The following EPM2A variants were observed in gnomAD, a reference collection of about 807,000 sequenced individuals.
EPM2A encodes the protein EPM2A glucan phosphatase, laforin.
Under a neutral mutation model 26.5 loss-of-function variants are expected in EPM2A, and 21 were observed. The observed-to-expected ratio is 0.79, with a 90% CI of 0.56 to 1.14. The LOEUF is 1.14. Ranked by LOEUF, EPM2A falls within the 50% of genes most tolerant of loss-of-function variation. The pLI is 0.00. For synonymous variants in EPM2A, 217 were observed against 177.6 expected, an observed-to-expected ratio of 1.22 and a Z score of -1.76; for missense variants, 458 against 440.8, an observed-to-expected ratio of 1.04 and a Z score of -0.35.
chr6:145,703,979 A>C (rs1782076471), intron 1 of EPM2A, among the ~76,000 whole-genome samples: 1 of 152,256 alleles, frequency 6.6e-6, no homozygotes, highest in South Asian at 2.1e-4. Context: ...CCATCAGCTT[A>C]ATTTTAAAAA....
At chr6:145,676,535 A>T (rs941354318) in intron 2 of EPM2A, among the ~76,000 whole-genome samples, 1 of 152,206 alleles carries the variant, frequency 6.6e-6, no homozygotes, top group African/African-American at 2.4e-5. Flanking sequence ...TGCTAGCAAG[A>T]CAAATAAAGA....
intron 1 of EPM2A, among the ~76,000 whole-genome samples, chr6:145,695,795 A>T (rs1253885123): frequency 6.6e-6 from 1 of 152,072 alleles, no homozygotes; most frequent in East Asian, 1.9e-4. Flanking sequence ...TAAGGCAGTT[A>T]TTAAGCAATC....
At chr6:145,397,784 A>AT (rs1226531201) in intron 4 of EPM2A, among the ~76,000 whole-genome samples, 2 of 152,198 alleles carry the variant, frequency 1.3e-5, no homozygotes, top group African/African-American at 4.8e-5. Context: ...TTAGGTACAC[A>AT]TATCTCATCT....
intron 1 of EPM2A, among the ~76,000 whole-genome samples, chr6:145,708,074 C>T (rs1427493818): frequency 6.6e-6 from 1 of 152,140 alleles, no homozygotes; most frequent in Non-Finnish European, 1.5e-5. Flanking sequence ...AAGAGACTCG[C>T]ACCATTTGGG....
At chr6:145,493,362 G>T (rs73562606) in intron 4 of EPM2A, among the ~76,000 whole-genome samples, 11,986 of 152,242 alleles carry the variant, frequency 0.079, 1,409 homozygotes, top group African/African-American at 0.25. Context: ...TGCTGTAGTT[G>T]CTTATCAACT....
chr6:145,512,643 A>G (rs559493884), intron 2 of EPM2A, among the ~76,000 whole-genome samples: 10 of 142,670 alleles, frequency 7.0e-5, no homozygotes, highest in Middle Eastern at 6.8e-3. Flanking sequence ...CCCAGGAGGC[A>G]GAGGTTGCAG....
chr6:145,588,101 C>A lies in EPM2A; in HGVS notation c.340+47144G>T, dbSNP rs370720500. Reference sequence around the variant, plus strand: ...CCTCAGAGTATATGTCTCTGATGAACCAGAATGAATTACACAGATGCCTGG... The same window carrying A: ...CCTCAGAGTATATGTCTCTGATGAAACAGAATGAATTACACAGATGCCTGG... On this transcript the variant is annotated intron_variant, in intron 2 of 3. Coordinates refer to the EPM2A transcript ENST00000450221. Among the ~76,000 whole-genome samples the A allele has an allele frequency of 4.7e-4, 72 of 152,238 alleles. 1 individual carries two copies. In the South Asian group the frequency reaches 0.011, roughly 23 times the overall value.
intron 2 of EPM2A, chr6:145,671,479 G>T: frequency 1.5e-6 from 1 of 689,290 alleles, no homozygotes; most frequent in Non-Finnish European, 1.8e-6. Context: ...ATAAGCCTTA[G>T]CTTTTGAAAT....
At chr6:145,550,514 A>T (rs943411928) in intron 2 of EPM2A, among the ~76,000 whole-genome samples, 1 of 152,052 alleles carries the variant, frequency 6.6e-6, no homozygotes, top group African/African-American at 2.4e-5. Context: ...ATCCTCAGAA[A>T]GAAGAGGGAA....
At chr6:145,482,859 G>T (rs1243105691) in intron 4 of EPM2A, among the ~76,000 whole-genome samples, 2 of 128,432 alleles carry the variant, frequency 1.6e-5, no homozygotes, top group Non-Finnish European at 3.2e-5. Flanking sequence ...TTAAATTATA[G>T]CTATTCTTTT....
At chr6:145,543,945 T>C (rs1780549154) in intron 2 of EPM2A, among the ~76,000 whole-genome samples, 1 of 152,240 alleles carries the variant, frequency 6.6e-6, no homozygotes. Flanking sequence ...TTCTCAACTT[T>C]ACCAACTTCT....
At chr6:145,671,553 C>A (rs928588202) in intron 2 of EPM2A, among the ~76,000 whole-genome samples, 3 of 152,166 alleles carry the variant, frequency 2.0e-5, no homozygotes, top group Non-Finnish European at 4.4e-5. Flanking sequence ...TAATAGTCAT[C>A]TAGTTCAACC....
intron 2 of EPM2A, chr6:145,671,038 A>C (rs779194559): frequency 7.1e-6 from 7 of 985,284 alleles, no homozygotes; most frequent in Non-Finnish European, 8.4e-6. Context: ...ATGCTAATTG[A>C]AATTAGTGTC....
At chr6:145,724,650 CA>C (rs1360158645) in intron 1 of EPM2A, among the ~76,000 whole-genome samples, 1 of 151,802 alleles carries the variant, frequency 6.6e-6, no homozygotes, top group African/African-American at 2.4e-5. Flanking sequence ...ATACTGGTTT[CA>C]AAAAAACCAG....
At chr6:145,527,653 C>T (rs1780295228) in intron 2 of EPM2A, among the ~76,000 whole-genome samples, 1 of 151,914 alleles carries the variant, frequency 6.6e-6, no homozygotes, top group Non-Finnish European at 1.5e-5. Flanking sequence ...CTACTTTGAG[C>T]CTATGGGTGT....
At chr6:145,554,487 G>A (rs760370125) in intron 2 of EPM2A, among the ~76,000 whole-genome samples, 30 of 151,466 alleles carry the variant, frequency 2.0e-4, no homozygotes, top group Non-Finnish European at 2.9e-4. Context: ...CAGAGAGACA[G>A]ATTGATTTAC....
At chr6:145,493,726 C>A (rs1779784139) in intron 4 of EPM2A, among the ~76,000 whole-genome samples, 1 of 152,170 alleles carries the variant, frequency 6.6e-6, no homozygotes, top group South Asian at 2.1e-4. Context: ...CAAAAGCCAT[C>A]TCTTTATCTA....
intron 2 of EPM2A, among the ~76,000 whole-genome samples, chr6:145,618,490 C>A (rs73568375): frequency 0.067 from 10,202 of 152,152 alleles, 1,148 homozygotes; most frequent in African/African-American, 0.23. Context: ...TGGGAGAAAC[C>A]CAGTGGGAGG....
At chr6:145,392,995 TA>T (rs1444782535) in intron 4 of EPM2A, among the ~76,000 whole-genome samples, 12 of 151,926 alleles carry the variant, frequency 7.9e-5, no homozygotes, top group Non-Finnish European at 5.9e-5. Flanking sequence ...TTCAATCAAT[TA>T]AAAAAACTTT....
Sources: gnomAD v4.1 joint callset for allele counts (sites outside exome capture counted in the v4.1 genomes callset) on GRCh38, gnomAD v4.1.1 for gene constraint, MANE v1.5 for transcripts, NCBI Gene and HGNC (gene_info 2026-07-23, HGNC 2026-07-21) for gene names.